IGSF21: variants seen among roughly 807,000 people sequenced by gnomAD.
The protein encoded by IGSF21 is immunoglobulin superfamily member 21.
IGSF21 carries 28 observed loss-of-function variants against 46.8 expected under a neutral mutation model. That is an observed-to-expected ratio of 0.60 (90% CI 0.44 to 0.82). The LOEUF (loss-of-function observed/expected upper bound fraction) is 0.82, where lower values mean the gene tolerates loss of function less well. Ranked by LOEUF, IGSF21 falls within the 40% of genes least tolerant of loss-of-function variation. The probability of loss-of-function intolerance (pLI) is 0.00; values close to 1 mark genes in which losing one functional copy is unlikely to be tolerated. For synonymous variants in IGSF21, 284 were observed against 273.6 expected (o/e 1.04, Z -0.38); for missense variants, 624 against 665.5 (o/e 0.94, Z 0.69).
intron 4 of IGSF21, among the ~76,000 whole-genome samples, chr1:18,360,054 T>C (rs1442767283): frequency 6.6e-6 from 1 of 152,170 alleles, no homozygotes; most frequent in Non-Finnish European, 1.5e-5. Context: ...GCCTGTAGAC[T>C]GATGGTGAAG....
At chr1:18,147,028 A>C (rs2086476617) in intron 1 of IGSF21, among the ~76,000 whole-genome samples, 1 of 152,074 alleles carries the variant, frequency 6.6e-6, no homozygotes, top group Admixed American at 6.5e-5. Context: ...CTCTTCCCCC[A>C]ATACATCCTG....
At chr1:18,116,258 A>G (rs919024291) in intron 1 of IGSF21, among the ~76,000 whole-genome samples, 2 of 152,088 alleles carry the variant, frequency 1.3e-5, no homozygotes, top group Non-Finnish European at 1.5e-5. Flanking sequence ...ATTGGTTGTT[A>G]CACACTTGCC....
intron 1 of IGSF21, among the ~76,000 whole-genome samples, chr1:18,184,474 C>A (rs373933395): frequency 3.3e-5 from 5 of 152,212 alleles, no homozygotes; most frequent in East Asian, 1.9e-4. Context: ...TCCCTCTGAA[C>A]CTTTAATCAT....
At position 18,277,864 on chromosome 1, in the gene IGSF21, T is replaced by C. The variant is rs188014214; in HGVS notation, c.184-14002T>C. Among the ~76,000 whole-genome samples, 256 of 152,170 alleles carry C rather than the reference T, an allele frequency of 1.7e-3. 1 individual carries two copies. Among genetic ancestry groups the C allele is most frequent in the African/African-American group, 6.0e-3 (248 of 41,510 alleles). ...ATTAGAATAACGATCATCTCTCGGG[T>C]GAGGTTTGGCTGGGAAGGAGCGGAG... On this transcript the variant is annotated intron_variant, in intron 2 of 9. Coordinates refer to ENST00000251296, the MANE Select transcript of IGSF21 (RefSeq NM_032880.5).
intron 2 of IGSF21, among the ~76,000 whole-genome samples, chr1:18,252,244 G>T (rs2084850346): frequency 6.6e-6 from 1 of 151,828 alleles, no homozygotes; most frequent in Non-Finnish European, 1.5e-5. Flanking sequence ...TAGAAATGGG[G>T]TTTCACCGTG....
intron 4 of IGSF21, among the ~76,000 whole-genome samples, chr1:18,345,582 C>T (rs1434314633): frequency 2.6e-5 from 4 of 152,088 alleles, no homozygotes; most frequent in African/African-American, 7.2e-5. Context: ...ACATGTTTCT[C>T]CATGTTGGCC....
intron 3 of IGSF21, among the ~76,000 whole-genome samples, chr1:18,304,608 C>G (rs2085392960): frequency 6.6e-6 from 1 of 152,174 alleles, no homozygotes; most frequent in Non-Finnish European, 1.5e-5. Flanking sequence ...CAGCTTCCCC[C>G]TGACCTGCAG....
At chr1:18,263,400 C>T (rs757837670) in intron 2 of IGSF21, among the ~76,000 whole-genome samples, 3 of 150,552 alleles carry the variant, frequency 2.0e-5, no homozygotes, top group African/African-American at 4.9e-5. Context: ...CTACTAGGCA[C>T]CTGCTCAGCA....
chr1:18,378,182 G>A lies in IGSF21; in HGVS notation c.1334-74G>A, dbSNP rs1569910073. ...GCTGAAATCCAGCGTCTTTGTTGGG[G>A]ACCTGGAGGCTCTGCTGTTCTGGAA... On this transcript the variant is annotated intron_variant, in intron 9 of 9. Coordinates refer to ENST00000251296, the MANE Select transcript of IGSF21 (RefSeq NM_032880.5). 3.2e-6 allele frequency: 4 copies of A among 1,239,466 alleles called. No individual in the cohort carries two copies. The East Asian group carries it at 7.0e-5, about 22-fold the overall frequency. The allele number at this position is 1,239,466 out of a possible 1,614,324, so 76.8% of individuals were successfully genotyped here. A position where few individuals can be genotyped will look rare whatever the true frequency, so the allele number is the denominator to read the frequency against.
At chr1:18,157,347 C>T (rs2086577773) in intron 1 of IGSF21, among the ~76,000 whole-genome samples, 2 of 152,192 alleles carry the variant, frequency 1.3e-5, no homozygotes, top group African/African-American at 4.8e-5. Flanking sequence ...TACCCCAGGA[C>T]CTCACCCTGT....
chr1:18,299,015 C>A (rs1291995720), intron 3 of IGSF21, among the ~76,000 whole-genome samples: 1 of 152,156 alleles, frequency 6.6e-6, no homozygotes, highest in Non-Finnish European at 1.5e-5. Flanking sequence ...AAAGTGATCG[C>A]TGTCATAGAG....
intron 9 of IGSF21, 83 bp from the exon 10 acceptor site, chr1:18,378,173 T>A: frequency 8.6e-7 from 1 of 1,160,316 alleles, no homozygotes; most frequent in African/African-American, 1.5e-5. Context: ...ATCCAGCGTC[T>A]TTGTTGGGGA....
intron 3 of IGSF21, among the ~76,000 whole-genome samples, chr1:18,323,685 C>T (rs2085628374): frequency 6.6e-6 from 1 of 152,048 alleles, no homozygotes; most frequent in Non-Finnish European, 1.5e-5. Context: ...GAGAGGGCAT[C>T]GGCTGGAGTA....
At chr1:18,161,227 C>T (rs774614131) in intron 1 of IGSF21, among the ~76,000 whole-genome samples, 19 of 152,174 alleles carry the variant, frequency 1.2e-4, no homozygotes, top group Non-Finnish European at 2.5e-4. Context: ...TCCCAGCCTC[C>T]ACTGGCATGA....
chr1:18,195,099 G>A lies in IGSF21; in HGVS notation c.71-32799G>A, dbSNP rs773782512. ...ACCAGGCCATGCCCTTGACACATGG[G>A]GATTATTACAATTCAAGGTGAGATT... is the stretch of plus-strand genomic sequence containing the variant. On this transcript the variant is annotated intron_variant, in intron 1 of 9. Transcript: ENST00000251296. 3.4e-4 allele frequency among the ~76,000 whole-genome samples: 51 copies of A among 152,158 alleles called. 1 individual carries two copies. The highest frequency in any genetic ancestry group is 6.8e-4 in the African/African-American group (28 of 41,428).
At chr1:18,187,201 T>A (rs1570315544) in intron 1 of IGSF21, among the ~76,000 whole-genome samples, 1 of 142,426 alleles carries the variant, frequency 7.0e-6, no homozygotes, top group Non-Finnish European at 1.5e-5. Context: ...TGTTTCTGAA[T>A]ATGGCAGAGA....
At chr1:18,289,655 A>G (rs1301091772) in intron 2 of IGSF21, among the ~76,000 whole-genome samples, 1 of 151,960 alleles carries the variant, frequency 6.6e-6, no homozygotes, top group African/African-American at 2.4e-5. Context: ...GGGGCCAGAT[A>G]ATTCTTGGGA....
At chr1:18,275,887 C>T (rs1323587580) in intron 2 of IGSF21, among the ~76,000 whole-genome samples, 1 of 152,222 alleles carries the variant, frequency 6.6e-6, no homozygotes, top group African/African-American at 2.4e-5. Flanking sequence ...AGACCTCCCA[C>T]TCCTTTGCCC....
At chr1:18,311,963 C>T (rs2085492680) in intron 3 of IGSF21, among the ~76,000 whole-genome samples, 1 of 152,222 alleles carries the variant, frequency 6.6e-6, no homozygotes, top group Non-Finnish European at 1.5e-5. Context: ...CCTCTGGTCC[C>T]TCTGGGTCTC....
Sources: gnomAD v4.1 joint callset for allele counts (sites outside exome capture counted in the v4.1 genomes callset) on GRCh38, gnomAD v4.1.1 for gene constraint, MANE v1.5 for transcripts, NCBI Gene and HGNC (gene_info 2026-07-23, HGNC 2026-07-21) for gene names.